The following ZDHHC21 variants were observed in gnomAD, a reference collection of about 807,000 sequenced individuals.
The protein encoded by ZDHHC21 is zDHHC palmitoyltransferase 21, also known as palmitoyltransferase ZDHHC21.
In ZDHHC21, 15 loss-of-function variants were observed where a neutral mutation model predicts 34.6. That is an observed-to-expected ratio of 0.43 (90% confidence interval 0.29 to 0.67). The LOEUF is 0.67. ZDHHC21 is among the 30% of genes least tolerant of loss of function. ZDHHC21 has a pLI of 0.14. For missense variants in ZDHHC21, 344 were observed against 327.7 expected (o/e 1.05, Z -0.38); for synonymous variants, 142 against 101.8 (o/e 1.40, Z -2.38).
intron 7 of ZDHHC21, among the ~76,000 whole-genome samples, chr9:14,649,755 G>T (rs766033506): frequency 6.6e-6 from 1 of 152,024 alleles, no homozygotes; most frequent in African/African-American, 2.4e-5. Flanking sequence ...CTGACTGTCA[G>T]GTTCATGGCT....
In ZDHHC21 at chr9:14,618,136, T is replaced by C. The variant is rs574840795; in HGVS notation, c.*830A>G. Reference sequence around the variant, plus strand: ...ACTAGAAAAGGTAATTGTGAAGTTATTGCAAATTCTCTCCCCTTTTTGCTC... The same window carrying C: ...ACTAGAAAAGGTAATTGTGAAGTTACTGCAAATTCTCTCCCCTTTTTGCTC... On this transcript the variant is annotated 3_prime_UTR_variant, in exon 10 of 10. Coordinates refer to ENST00000380916, the MANE Select transcript of ZDHHC21 (RefSeq NM_178566.6). 2.9e-4 allele frequency: 44 copies of C among 152,664 alleles called. No individual in the cohort carries two copies. The highest frequency in any genetic ancestry group is 9.4e-4 in the African/African-American group (39 of 41,574). The allele number at this position is 152,664 out of a possible 1,614,324, so 9.5% of individuals were successfully genotyped here.
intron 7 of ZDHHC21, among the ~76,000 whole-genome samples, chr9:14,656,903 T>C (rs1470059288): frequency 2.6e-5 from 4 of 152,056 alleles, no homozygotes; most frequent in South Asian, 4.1e-4. Context: ...TCACTTTTTA[T>C]ATACTTTCTT....
intron 5 of ZDHHC21, 74 bp downstream of exon 5, chr9:14,672,756 T>C (rs1044487846): frequency 1.0e-6 from 1 of 994,340 alleles, no homozygotes; most frequent in African/African-American, 1.6e-5. Flanking sequence ...CAATATATAT[T>C]AAAGGCAATA....
chr9:14,659,782 T>C (rs146494544), intron 6 of ZDHHC21, among the ~76,000 whole-genome samples: 72 of 152,312 alleles, frequency 4.7e-4, no homozygotes, highest in Middle Eastern at 3.4e-3. Context: ...TAGAGAGGCA[T>C]TTCTTAAGAT....
intron 3 of ZDHHC21, among the ~76,000 whole-genome samples, chr9:14,679,766 G>C (rs1047724020): frequency 6.6e-6 from 1 of 152,166 alleles, no homozygotes; most frequent in South Asian, 2.1e-4. Context: ...ATGAAGTACA[G>C]AAGGATTCGC....
intron 5 of ZDHHC21, 112 bp from the exon 6 acceptor site, chr9:14,662,438 G>A: frequency 1.4e-6 from 1 of 727,246 alleles, no homozygotes; most frequent in Non-Finnish European, 2.2e-6. Context: ...AACTCTAAGA[G>A]ATTTTTCTTC....
intron 2 of ZDHHC21, among the ~76,000 whole-genome samples, chr9:14,680,490 C>T (rs942444852): frequency 3.3e-5 from 5 of 152,010 alleles, no homozygotes; most frequent in South Asian, 2.1e-4. Flanking sequence ...CACAAAATAA[C>T]GATAGATTCT....
chr9:14,610,614 G>A (rs1351452870), downstream of ZDHHC21, among the ~76,000 whole-genome samples: 1 of 151,948 alleles, frequency 6.6e-6, no homozygotes, highest in Non-Finnish European at 1.5e-5. Context: ...TTTCAGAGCT[G>A]ATGATTTTTT....
At position 14,650,050 on chromosome 9, in the gene ZDHHC21, C is replaced by T. The variant is rs74561534; in HGVS notation, c.504+8699G>A. On this transcript the variant is annotated intron_variant, in intron 7 of 9. Transcript: ENST00000380916. ...TGTTAAATGCTATTAATATTTATAA[C>T]TGACTATGGAAACATGTTTAATGAG... is the stretch of plus-strand genomic sequence containing the variant. Among the ~76,000 whole-genome samples the T allele has an allele frequency of 6.1e-3, 934 of 152,082 alleles. 15 individuals carry two copies. The highest frequency in any genetic ancestry group is 0.021 in the African/African-American group (883 of 41,526).
the ZDHHC21 span, among the ~76,000 whole-genome samples, chr9:14,597,587 G>C: frequency 6.6e-6 from 1 of 152,134 alleles, no homozygotes; most frequent in Non-Finnish European, 1.5e-5. Flanking sequence ...GTGCCACGCA[G>C]AGGCCTGAGG....
chr9:14,628,880 G>C (rs536801894), intron 8 of ZDHHC21, among the ~76,000 whole-genome samples: 126 of 152,206 alleles, frequency 8.3e-4, no homozygotes, highest in African/African-American at 2.9e-3. Flanking sequence ...GAATGCATTA[G>C]ACTTTTAAAT....
chr9:14,600,499 G>T, the ZDHHC21 span, among the ~76,000 whole-genome samples: 1 of 152,154 alleles, frequency 6.6e-6, no homozygotes, highest in African/African-American at 2.4e-5. Flanking sequence ...AAGGAAATCA[G>T]AGAGGACACA....
chr9:14,688,810 C>T (rs926581352), intron 2 of ZDHHC21, among the ~76,000 whole-genome samples: 41 of 152,092 alleles, frequency 2.7e-4, no homozygotes, highest in Non-Finnish European at 4.0e-4. Context: ...TGCAGTGAGC[C>T]GAGATCACCC....
chr9:14,609,819 A>G (rs1232782832), downstream of ZDHHC21, among the ~76,000 whole-genome samples: 1 of 152,110 alleles, frequency 6.6e-6, no homozygotes, highest in African/African-American at 2.4e-5. Flanking sequence ...CTTGAGTTTT[A>G]GTGTAGTACC....
intron 2 of ZDHHC21, among the ~76,000 whole-genome samples, chr9:14,684,710 C>T (rs200594534): frequency 9.4e-5 from 14 of 148,536 alleles, no homozygotes; most frequent in African/African-American, 2.7e-4. Context: ...TACTTTAAAG[C>T]TCATATGGAA....
intron 7 of ZDHHC21, among the ~76,000 whole-genome samples, chr9:14,645,229 A>G (rs989724539): frequency 6.6e-6 from 1 of 152,124 alleles, no homozygotes; most frequent in African/African-American, 2.4e-5. Context: ...AGTTGTAATG[A>G]CAGTGTGGTA....
At chr9:14,683,506 G>C (rs1837743556) in intron 2 of ZDHHC21, 1 of 152,258 alleles carries the variant, frequency 6.6e-6, no homozygotes, top group East Asian at 1.9e-4. Context: ...CCAGGAAGAA[G>C]TGGAATCTCT....
chr9:14,619,180 G>T, intron 9 of ZDHHC21, 82 bp from the exon 10 acceptor site: 1 of 1,415,862 alleles, frequency 7.1e-7, no homozygotes, highest in Non-Finnish European at 9.4e-7. Context: ...ATTGGCTGGG[G>T]ATCCATTACT....
At position 14,670,229 on chromosome 9, in the gene ZDHHC21, C is replaced by T. The variant is rs555180591; in HGVS notation, c.253+2601G>A. ...CATATAATATCCTAGAGAATAAATT[C>T]TTCATTTTATATCTAAAATGTATTC... On this transcript the variant is annotated intron_variant, in intron 5 of 9. Transcript: ENST00000380916. 1.9e-3 allele frequency among the ~76,000 whole-genome samples: 285 copies of T among 152,136 alleles called. 5 individuals are homozygous for T. The highest frequency in any genetic ancestry group is 6.5e-3 in the African/African-American group (270 of 41,506).
Sources: allele counts gnomAD v4.1 joint callset (sites outside exome capture counted in the v4.1 genomes callset), GRCh38; gene constraint gnomAD v4.1.1; transcripts MANE v1.5; gene names NCBI Gene and HGNC (gene_info 2026-07-23, HGNC 2026-07-21).